Variants in CAMK1D observed in about 807,000 individuals in gnomAD.
The protein encoded by CAMK1D is calcium/calmodulin dependent protein kinase ID.
In CAMK1D, 9 loss-of-function variants were observed where a neutral mutation model predicts 47.7. That is an observed-to-expected ratio of 0.19 (90% CI 0.11 to 0.33). CAMK1D has a LOEUF of 0.33. CAMK1D is among the 10% of genes least tolerant of loss of function. CAMK1D has a pLI of 1.00. For synonymous variants in CAMK1D, 184 were observed against 184.9 expected (o/e 0.99, Z 0.04); for missense variants, 291 against 488.7 (o/e 0.60, Z 3.81).
intron 6 of CAMK1D, among the ~76,000 whole-genome samples, chr10:12,801,394 C>CTATCTATCTAT (rs1564572312): frequency 1.3e-5 from 2 of 150,208 alleles, no homozygotes; most frequent in Non-Finnish European, 3.0e-5. Flanking sequence ...ATCTATCTAT[C>CTATCTATCTAT]CATCCATCTG....
intron 2 of CAMK1D, among the ~76,000 whole-genome samples, chr10:12,622,993 T>A (rs1012407563): frequency 2.7e-5 from 4 of 150,002 alleles, no homozygotes; most frequent in Non-Finnish European, 1.5e-5. Flanking sequence ...CTCCCTCCAA[T>A]CGTCCGTCCC....
In CAMK1D at chr10:12,411,589, C is replaced by A. The variant is rs1482526914; in HGVS notation, c.92+61679C>A. On this transcript the variant is annotated intron_variant, in intron 1 of 10. Coordinates refer to ENST00000619168, the MANE Select transcript of CAMK1D (RefSeq NM_153498.4). ...TGATTATTCTAAGTTATAGCAATGG[C>A]CTACCTGGCTTCTTTTTTTTTTTTT... is the stretch of plus-strand genomic sequence containing the variant. Among the ~76,000 whole-genome samples, 6 of 144,164 alleles carry A rather than the reference C, an allele frequency of 4.2e-5. No homozygotes were observed. In the East Asian group the frequency reaches 1.2e-3, roughly 30 times the overall value. The allele number at this position is 144,164 out of a possible 152,430, so 94.6% of individuals were successfully genotyped here.
chr10:12,800,602 A>G (rs1838382753), intron 6 of CAMK1D, among the ~76,000 whole-genome samples: 1 of 152,212 alleles, frequency 6.6e-6, no homozygotes, highest in African/African-American at 2.4e-5. Context: ...TTGGCCTTGA[A>G]GCTTGCCTAG....
chr10:12,396,168 C>G (rs1276849474), intron 1 of CAMK1D, among the ~76,000 whole-genome samples: 1 of 152,094 alleles, frequency 6.6e-6, no homozygotes, highest in Non-Finnish European at 1.5e-5. Flanking sequence ...GCCACTGTGC[C>G]TGGTCAAAAG....
At chr10:12,566,998 A>G (rs1385038768) in intron 2 of CAMK1D, among the ~76,000 whole-genome samples, 1 of 152,206 alleles carries the variant, frequency 6.6e-6, no homozygotes, top group Non-Finnish European at 1.5e-5. Context: ...AACAGAGCTC[A>G]GAGGCCCGTC....
chr10:12,671,736 A>G (rs1840625295), intron 3 of CAMK1D, among the ~76,000 whole-genome samples: 1 of 151,868 alleles, frequency 6.6e-6, no homozygotes, highest in Non-Finnish European at 1.5e-5. Flanking sequence ...TTTATATACA[A>G]ATATCTTACC....
chr10:12,638,692 C>T (rs1409347364), intron 2 of CAMK1D, among the ~76,000 whole-genome samples: 2 of 152,180 alleles, frequency 1.3e-5, no homozygotes, highest in African/African-American at 4.8e-5. Flanking sequence ...ATAGCCATAG[C>T]CCCAGAGTGC....
At chr10:12,671,294 A>G (rs2132569471) in intron 3 of CAMK1D, among the ~76,000 whole-genome samples, 1 of 150,384 alleles carries the variant, frequency 6.6e-6, no homozygotes, top group East Asian at 1.9e-4. Flanking sequence ...ACTTGCTTTC[A>G]TTTCCCTTGG....
At chr10:12,415,393 A>G (rs986061635) in intron 1 of CAMK1D, among the ~76,000 whole-genome samples, 17 of 149,408 alleles carry the variant, frequency 1.1e-4, no homozygotes, top group African/African-American at 2.9e-4. Context: ...GGTTCAAGCG[A>G]TTCTCCTGCC....
chr10:12,725,209 CTT>C (rs759353800), intron 3 of CAMK1D: 67 of 154,152 alleles, frequency 4.3e-4, no homozygotes, highest in African/African-American at 1.5e-3. Flanking sequence ...AGCAGGGGCT[CTT>C]TGTCAGCCAT....
At chr10:12,572,921 A>G (rs1837371662) in intron 2 of CAMK1D, among the ~76,000 whole-genome samples, 1 of 152,182 alleles carries the variant, frequency 6.6e-6, no homozygotes, top group African/African-American at 2.4e-5. Context: ...GTGAACCACC[A>G]TGCCCAACCC....
intron 3 of CAMK1D, among the ~76,000 whole-genome samples, chr10:12,751,109 A>G (rs1300625759): frequency 1.6e-5 from 1 of 61,498 alleles, no homozygotes; most frequent in Admixed American, 1.6e-4. Flanking sequence ...AAGATAAGAT[A>G]AGATAAGATA....
intron 8 of CAMK1D, among the ~76,000 whole-genome samples, chr10:12,819,257 C>T (rs1004686285): frequency 1.3e-5 from 2 of 152,182 alleles, no homozygotes; most frequent in Admixed American, 6.5e-5. Context: ...CCCAGGCCAG[C>T]GGGAAGAGGA....
At chr10:12,586,453 GAAAAAAAAAA>G (rs201388483) in intron 2 of CAMK1D, among the ~76,000 whole-genome samples, 7,950 of 111,840 alleles carry the variant, frequency 0.071, 308 homozygotes, top group East Asian at 0.19. Context: ...CCTCTCAAAA[GAAAAAAAAAA>G]AAAAAAAAAA....
intron 3 of CAMK1D, among the ~76,000 whole-genome samples, chr10:12,676,987 G>A (rs1176906573): frequency 6.6e-6 from 1 of 152,020 alleles, no homozygotes; most frequent in Non-Finnish European, 1.5e-5. Flanking sequence ...TACCAGTGTT[G>A]TGATTTCCTG....
intron 1 of CAMK1D, among the ~76,000 whole-genome samples, chr10:12,548,702 C>T (rs928826749): frequency 2.0e-5 from 3 of 151,914 alleles, no homozygotes; most frequent in East Asian, 1.9e-4. Flanking sequence ...TGGGCTCAAG[C>T]GATCCTCCCA....
chr10:12,769,117 A>G (rs1268658371), intron 4 of CAMK1D, among the ~76,000 whole-genome samples: 1 of 152,196 alleles, frequency 6.6e-6, no homozygotes, highest in East Asian at 1.9e-4. Flanking sequence ...GCGTCTTCCA[A>G]TTCCAGATTC....
chr10:12,437,486 C>T (rs186834273), intron 1 of CAMK1D, among the ~76,000 whole-genome samples: 13 of 152,298 alleles, frequency 8.5e-5, no homozygotes, highest in Admixed American at 5.2e-4. Flanking sequence ...TGAGCTACCG[C>T]GCCCAGCCCA....
intron 4 of CAMK1D, 23 bp from the exon 5 acceptor site, chr10:12,769,650 T>C: frequency 1.2e-6 from 2 of 1,613,124 alleles, no homozygotes; most frequent in Middle Eastern, 1.7e-4. Context: ...GTTTGTAATG[T>C]TTTTTTCTTA....
Sources: allele counts gnomAD v4.1 joint callset (sites outside exome capture counted in the v4.1 genomes callset), GRCh38; gene constraint gnomAD v4.1.1; transcripts MANE v1.5; gene names NCBI Gene and HGNC (gene_info 2026-07-23, HGNC 2026-07-21).